Variants in NDUFAF2 observed in about 807,000 individuals in gnomAD.
The protein encoded by NDUFAF2 is NADH dehydrogenase [ubiquinone] 1 alpha subcomplex assembly factor 2.
In NDUFAF2, 13 loss-of-function variants were observed where a neutral mutation model predicts 22.8. That is an observed-to-expected ratio of 0.57 (90% CI 0.37 to 0.91). NDUFAF2 has a LOEUF of 0.91. Ranked by LOEUF, NDUFAF2 falls within the 40% of genes least tolerant of loss-of-function variation. The probability of loss-of-function intolerance (pLI) is 0.01; values close to 1 mark genes in which losing one functional copy is unlikely to be tolerated. For synonymous variants in NDUFAF2, 53 were observed against 64.2 expected, an observed-to-expected ratio of 0.83 and a Z score of 0.84; for missense variants, 162 against 195.2, an observed-to-expected ratio of 0.83 and a Z score of 1.01.
chr5:61,019,775 C>G (rs1751555202), intron 1 of NDUFAF2, among the ~76,000 whole-genome samples: 1 of 151,920 alleles, frequency 6.6e-6, no homozygotes, highest in African/African-American at 2.4e-5. Context: ...TGGGCCTTAC[C>G]TTTTTCTTGT....
At chr5:60,977,727 C>G (rs192067647) in intron 1 of NDUFAF2, among the ~76,000 whole-genome samples, 22 of 151,404 alleles carry the variant, frequency 1.5e-4, no homozygotes, top group African/African-American at 5.3e-4. Flanking sequence ...ATCCCAGCTA[C>G]TGGGGAGTCA....
chr5:61,097,170 G>A (rs1434741089), intron 2 of NDUFAF2, among the ~76,000 whole-genome samples: 3 of 151,210 alleles, frequency 2.0e-5, no homozygotes, highest in Non-Finnish European at 4.4e-5. Flanking sequence ...TCAGTGCTGG[G>A]CTTTTTATGA....
At chr5:61,052,198 A>T (rs187265641) in intron 1 of NDUFAF2, among the ~76,000 whole-genome samples, 35 of 151,562 alleles carry the variant, frequency 2.3e-4, no homozygotes, top group African/African-American at 8.4e-4. Context: ...CATACTGCTC[A>T]ATTTATATTC....
chr5:61,067,382 T>C (rs994395267), intron 1 of NDUFAF2, among the ~76,000 whole-genome samples: 16 of 150,842 alleles, frequency 1.1e-4, no homozygotes, highest in Admixed American at 6.0e-4. Flanking sequence ...ATTGTTCAAT[T>C]CCCACCTATG....
At chr5:60,977,489 T>C (rs1750917736) in intron 1 of NDUFAF2, among the ~76,000 whole-genome samples, 1 of 151,564 alleles carries the variant, frequency 6.6e-6, no homozygotes, top group African/African-American at 2.4e-5. Context: ...TATATTGTCA[T>C]GGAAGATCAA....
intron 1 of NDUFAF2, among the ~76,000 whole-genome samples, chr5:61,030,772 C>G (rs1434044230): frequency 1.3e-5 from 2 of 151,970 alleles, no homozygotes; most frequent in African/African-American, 4.8e-5. Context: ...TTAAAAAATA[C>G]TTAAAAGCAT....
intron 1 of NDUFAF2, among the ~76,000 whole-genome samples, chr5:61,043,699 G>A (rs570377188): frequency 0.049 from 7,230 of 148,452 alleles, 470 homozygotes; most frequent in African/African-American, 0.16. Flanking sequence ...GTGTGTGTGT[G>A]TGTATGTGTG....
chr5:61,082,131 A>G (rs1477268648), intron 2 of NDUFAF2, among the ~76,000 whole-genome samples: 4 of 152,110 alleles, frequency 2.6e-5, no homozygotes, highest in African/African-American at 9.7e-5. Context: ...TTCACAGGAG[A>G]AAAAAAATGT....
chr5:61,051,732 C>A (rs955216863), intron 1 of NDUFAF2, among the ~76,000 whole-genome samples: 1 of 152,058 alleles, frequency 6.6e-6, no homozygotes, highest in African/African-American at 2.4e-5. Flanking sequence ...CATTCTCTTC[C>A]TTCTTCCAGA....
chr5:60,957,498 A>G (rs1398663275), intron 1 of NDUFAF2, among the ~76,000 whole-genome samples: 1 of 67,112 alleles, frequency 1.5e-5, no homozygotes, highest in Non-Finnish European at 3.0e-5. Context: ...TGATCTGTTT[A>G]CTTTTTTTTT....
intron 1 of NDUFAF2, among the ~76,000 whole-genome samples, chr5:60,956,373 G>T (rs761785645): frequency 8.5e-5 from 13 of 152,102 alleles, no homozygotes; most frequent in Admixed American, 1.3e-4. Context: ...GCTCTTGCTA[G>T]AACTTCTGTT....
At chr5:60,991,324 CA>C (rs1331868879) in intron 1 of NDUFAF2, among the ~76,000 whole-genome samples, 1 of 152,100 alleles carries the variant, frequency 6.6e-6, no homozygotes, top group African/African-American at 2.4e-5. Flanking sequence ...GAGTCACAAT[CA>C]ATCAATTACA....
At chr5:61,039,436 A>G (rs1461026378) in intron 1 of NDUFAF2, among the ~76,000 whole-genome samples, 2 of 152,180 alleles carry the variant, frequency 1.3e-5, no homozygotes, top group Non-Finnish European at 2.9e-5. Context: ...CTTTTTTAGA[A>G]TCCCAAAATT....
At chr5:61,152,291 G>GAA (rs534580482) in intron 3 of NDUFAF2, among the ~76,000 whole-genome samples, 2 of 135,006 alleles carry the variant, frequency 1.5e-5, no homozygotes, top group Non-Finnish European at 3.2e-5. Flanking sequence ...GAATGGCAAA[G>GAA]AAAAAAAAAA....
rs574177375 is a variant in NDUFAF2, at chr5:61,076,353, C to T, written c.217+3139C>T. On this transcript the variant is annotated intron_variant, in intron 2 of 3. Coordinates refer to ENST00000296597, the MANE Select transcript of NDUFAF2 (RefSeq NM_174889.5). ...CCTCCCAAAGTGCTGGGATTACAGGCGTGAGCCACCGCGCCCGGCCGTTTT... is the reference window on the plus strand; with the variant it reads ...CCTCCCAAAGTGCTGGGATTACAGGTGTGAGCCACCGCGCCCGGCCGTTTT... 7.9e-5 allele frequency among the ~76,000 whole-genome samples: 12 copies of T among 152,184 alleles called. No homozygotes were observed. In the South Asian group the frequency reaches 2.1e-3, roughly 26 times the overall value.
intron 3 of NDUFAF2, among the ~76,000 whole-genome samples, chr5:61,131,423 T>C (rs868756564): frequency 6.6e-6 from 1 of 152,110 alleles, no homozygotes; most frequent in Admixed American, 6.6e-5. Context: ...TTGCCCAAAA[T>C]GGATGTTAAC....
intron 1 of NDUFAF2, among the ~76,000 whole-genome samples, chr5:61,016,251 A>G (rs1362143406): frequency 6.7e-6 from 1 of 149,928 alleles, no homozygotes; most frequent in Non-Finnish European, 1.5e-5. Flanking sequence ...TTATAGACAC[A>G]TATATATTTG....
At chr5:61,136,029 A>G (rs1427449159) in intron 3 of NDUFAF2, among the ~76,000 whole-genome samples, 4 of 109,432 alleles carry the variant, frequency 3.7e-5, no homozygotes, top group African/African-American at 1.5e-4. Context: ...ATATATATAT[A>G]TATATATATA....
rs114968709 is a variant in NDUFAF2, at chr5:61,018,097, A to C, written c.128-55028A>C. 7.5e-3 allele frequency among the ~76,000 whole-genome samples: 1,142 copies of C among 152,282 alleles called. 14 individuals are homozygous for C. The highest frequency in any genetic ancestry group is 0.026 in the African/African-American group (1,062 of 41,556). On this transcript the variant is annotated intron_variant, in intron 1 of 3. Transcript: ENST00000296597. ...GTACATACAAAGGTAGTAAATACTT[A>C]AAACTCAGTACTTTCTAATTAGCTT...
Sources: allele counts gnomAD v4.1 joint callset (sites outside exome capture counted in the v4.1 genomes callset), GRCh38; gene constraint gnomAD v4.1.1; transcripts MANE v1.5; gene names NCBI Gene and HGNC (gene_info 2026-07-23, HGNC 2026-07-21).